Variants in ANKS6 observed in about 807,000 individuals in gnomAD.
ANKS6 encodes ankyrin repeat and SAM domain-containing protein 6.
Under a neutral mutation model 77.9 loss-of-function variants are expected in ANKS6, and 47 were observed. That is an observed-to-expected ratio of 0.60 (90% CI 0.48 to 0.77). The LOEUF is 0.77. Ranked by LOEUF, ANKS6 falls within the 30% of genes least tolerant of loss-of-function variation. The pLI is 0.00. For synonymous variants in ANKS6, 488 were observed against 501.7 expected, an observed-to-expected ratio of 0.97 and a Z score of 0.37; for missense variants, 1,150 against 1,159.1, an observed-to-expected ratio of 0.99 and a Z score of 0.11.
At chr9:98,771,579 C>T (rs1318039078) in intron 9 of ANKS6, among the ~76,000 whole-genome samples, 1 of 152,348 alleles carries the variant, frequency 6.6e-6, no homozygotes, top group East Asian at 1.9e-4. Context: ...TGACCTCACT[C>T]CACCCTCTGC....
At position 98,753,620 on chromosome 9, in the gene ANKS6, C is replaced by CAA. The variant is rs34295529; in HGVS notation, c.2327-2526_2327-2525dup. On this transcript the variant is annotated intron_variant, in intron 12 of 14. Transcript: ENST00000353234. ...TGGGTGACAGAGTAAGACCCTATCTCAAAAAAAAAAAAAGCAAGCCCTGAT... is the reference window on the plus strand; with the variant it reads ...TGGGTGACAGAGTAAGACCCTATCTCAAAAAAAAAAAAAAAGCAAGCCCTGAT... Among the ~76,000 whole-genome samples the CAA allele has an allele frequency of 6.8e-3, 988 of 144,626 alleles. 11 individuals carry two copies. Among genetic ancestry groups the CAA allele is most frequent in the South Asian group, 0.033 (148 of 4,430 alleles). 94.9% of individuals were successfully genotyped at this position (144,626 alleles called of 152,430 possible).
chr9:98,743,172 C>G (rs374562365), intron 14 of ANKS6, among the ~76,000 whole-genome samples: 15 of 152,192 alleles, frequency 9.9e-5, no homozygotes, highest in African/African-American at 3.6e-4. Flanking sequence ...CTGGCTTAAG[C>G]TTGGATTTTA....
chr9:98,756,147 T>G (rs1488988217), intron 12 of ANKS6, among the ~76,000 whole-genome samples: 1 of 152,164 alleles, frequency 6.6e-6, no homozygotes, highest in Non-Finnish European at 1.5e-5. Flanking sequence ...AGTAAGTTCG[T>G]GTTGGAGAAG....
rs1834327729 is a variant in ANKS6 at position 98,782,483 on chromosome 9, C to A, written c.1203G>T (p.Met401Ile). The A allele has an allele frequency of 1.2e-6, 2 of 1,614,066 alleles. No homozygotes were observed. Among genetic ancestry groups the A allele is most frequent in the Admixed American group, 1.7e-5 (1 of 60,024 alleles). ...KNGYTAFDLV[M>I]LLNDPDTELV... The stretch of plus-strand genomic sequence containing the variant: ...ATTACCTACCGGGATCATTCAGCAG[C>A]ATCACCAGGTCAAAGGCCGTGTATC... The change falls in exon 5 of 15, where the codon ATG becomes ATT. Residue 401 changes from methionine to isoleucine, a missense_variant. Met to Ile is a conservative substitution (Grantham distance 10). Coordinates refer to ENST00000353234, the MANE Select transcript of ANKS6 (RefSeq NM_173551.5).
At chr9:98,740,175 A>T (rs1423675944) in intron 14 of ANKS6, among the ~76,000 whole-genome samples, 1 of 151,696 alleles carries the variant, frequency 6.6e-6, no homozygotes, top group Non-Finnish European at 1.5e-5. Context: ...CATTTCATGG[A>T]CTCCCCATAG....
Position 98,782,803 on chromosome 9 carries a change from C to T in ANKS6, c.1113-230G>A, listed in dbSNP as rs138021381. ...TCCAGGAACAAAATGAAGACTGAGG[C>T]TAGATGTGGTGGCTCACACCCGTAA... On this transcript the variant is annotated intron_variant, in intron 4 of 14. Coordinates refer to ENST00000353234, the MANE Select transcript of ANKS6 (RefSeq NM_173551.5). Among the ~76,000 whole-genome samples the T allele has an allele frequency of 2.4e-3, 365 of 152,264 alleles. 9 individuals are homozygous for T. The highest frequency in any genetic ancestry group is 0.022 in the Admixed American group (341 of 15,292).
At position 98,735,155 on chromosome 9, in the gene ANKS6, C is replaced by G. The variant is rs1831428803; in HGVS notation, c.*1364G>C. 4 of 985,358 alleles carry G rather than the reference C, an allele frequency of 4.1e-6. No individual in the cohort carries two copies. The South Asian group carries it at 1.9e-4, about 46-fold the overall frequency. The allele number at this position is 985,358 out of a possible 1,614,324, so 61.0% of individuals were successfully genotyped here. ...GACTGGGTACTTCCTGCAGACCCAG[C>G]ACTTTGGGCATACTGGTTCTAAGCT... On this transcript the variant is annotated 3_prime_UTR_variant, in exon 15 of 15. Coordinates refer to ENST00000353234, the MANE Select transcript of ANKS6 (RefSeq NM_173551.5).
intron 14 of ANKS6, among the ~76,000 whole-genome samples, chr9:98,737,182 C>G (rs1006028721): frequency 2.0e-5 from 3 of 152,094 alleles, no homozygotes; most frequent in African/African-American, 7.2e-5. Context: ...TCTGTTAAGC[C>G]CAGAAAACAT....
Position 98,732,534 on chromosome 9 carries a change from C to T in ANKS6, c.*3985G>A. The T allele has an allele frequency of 6.4e-7, 1 of 1,550,560 alleles. No individual in the cohort carries two copies. The highest frequency in any genetic ancestry group is 8.7e-7 in the Non-Finnish European group (1 of 1,146,984). On this transcript the variant is annotated 3_prime_UTR_variant, in exon 15 of 15. Transcript: ENST00000353234. The stretch of plus-strand genomic sequence containing the variant: ...TCTTGCCGGAGGCAGTTTCTTCTGG[C>T]CTCACCCACCCAACCATGGCTACGT...
intron 7 of ANKS6, 66 bp downstream of exon 7, chr9:98,778,160 T>C (rs1834017234): frequency 1.3e-6 from 2 of 1,553,018 alleles, no homozygotes; most frequent in South Asian, 2.4e-5. Context: ...GGAGGTAGGA[T>C]GAAGGGCAGA....
chr9:98,759,327 T>C (rs1832890888), intron 11 of ANKS6, among the ~76,000 whole-genome samples: 1 of 152,206 alleles, frequency 6.6e-6, no homozygotes, highest in African/African-American at 2.4e-5. Context: ...ACAGAATGTG[T>C]CTGTAACCAA....
At chr9:98,768,017 C>A in intron 11 of ANKS6, 64 bp downstream of exon 11, 1 of 1,531,516 alleles carries the variant, frequency 6.5e-7, no homozygotes, top group Non-Finnish European at 8.8e-7. Context: ...TGCTTCCCGG[C>A]AAGTGGCCCA....
At chr9:98,773,803 C>T in intron 9 of ANKS6, 74 bp downstream of exon 9, 1 of 1,330,486 alleles carries the variant, frequency 7.5e-7, no homozygotes, top group South Asian at 2.0e-5. Flanking sequence ...GGTTTGAGGT[C>T]CCGCTGCCTG....
chr9:98,795,972 T>A (rs1215942262), intron 1 of ANKS6, 161 bp downstream of exon 1: 1 of 725,790 alleles, frequency 1.4e-6, no homozygotes, highest in Non-Finnish European at 1.9e-6. Flanking sequence ...TGTTTCCACG[T>A]CTATGCTCAA....
chr9:98,736,394 A>C lies in ANKS6; in HGVS notation c.*125T>G, dbSNP rs1013171264. On this transcript the variant is annotated 3_prime_UTR_variant, in exon 15 of 15. Coordinates refer to ENST00000353234, the MANE Select transcript of ANKS6 (RefSeq NM_173551.5). ...TGAATGCCGTCGACGTGAAGTGGGC[A>C]TCCCGAGCAAAGGGAACAACATGAC... 7.0e-7 allele frequency: 1 copy of C among 1,436,642 alleles called. No individual in the cohort carries two copies. The allele number at this position is 1,436,642 out of a possible 1,614,324, so 89.0% of individuals were successfully genotyped here.
In ANKS6 at chr9:98,732,127, C is replaced by G. The variant is rs528279227; in HGVS notation, c.*4392G>C. 3.8e-6 allele frequency: 1 copy of G among 260,068 alleles called. No homozygotes were observed. The highest frequency in any genetic ancestry group is 2.2e-5 in the African/African-American group (1 of 45,530). The allele number at this position is 260,068 out of a possible 1,614,324, so 16.1% of individuals were successfully genotyped here. ...TGCTAGGAATGGACAAGGACAGCGA[C>G]AGGATGGTGCTTCACAGTGCCTCCT... On this transcript the variant is annotated 3_prime_UTR_variant, in exon 15 of 15. Transcript: ENST00000353234.
intron 14 of ANKS6, among the ~76,000 whole-genome samples, chr9:98,739,758 ATT>A (rs749499336): frequency 1.1e-4 from 10 of 88,852 alleles, no homozygotes; most frequent in Admixed American, 5.8e-4. Flanking sequence ...TGGATTAAAC[ATT>A]TTTTTTTTTT....
At chr9:98,778,833 C>T (rs1310447824) in intron 6 of ANKS6, among the ~76,000 whole-genome samples, 1 of 152,208 alleles carries the variant, frequency 6.6e-6, no homozygotes, top group African/African-American at 2.4e-5. Context: ...AATCTCCCTC[C>T]TCCTGCTCTG....
rs1298343483 is a variant in ANKS6 at position 98,735,283 on chromosome 9, T to C, written c.*1236A>G. ...TGCCTCTCAATGTCGGGACCATCTA[T>C]TTACAGGTGTTCTCTTGCCTGTCGA... On this transcript the variant is annotated 3_prime_UTR_variant, in exon 15 of 15. Transcript: ENST00000353234. 2.0e-6 allele frequency: 2 copies of C among 993,222 alleles called. No homozygotes were observed. Among genetic ancestry groups the C allele is most frequent in the Non-Finnish European group, 2.4e-6 (2 of 835,398 alleles). The allele number at this position is 993,222 out of a possible 1,614,324, so 61.5% of individuals were successfully genotyped here.
Sources: allele counts gnomAD v4.1 joint callset (sites outside exome capture counted in the v4.1 genomes callset), GRCh38; gene constraint gnomAD v4.1.1; transcripts MANE v1.5; gene names NCBI Gene and HGNC (gene_info 2026-07-23, HGNC 2026-07-21).